Variants in ANKRD35 observed in about 807,000 individuals in gnomAD.
ANKRD35 encodes ankyrin repeat domain 35, also known as ankyrin repeat domain-containing protein 35.
ANKRD35 carries 102 observed loss-of-function variants against 109.9 expected under a neutral mutation model. The observed-to-expected ratio is 0.93, with a 90% CI of 0.79 to 1.09. The LOEUF is 1.09. Among genes scored for constraint, ANKRD35 ranks in the 50% least tolerant of loss-of-function variants. The pLI, the probability that ANKRD35 is intolerant of heterozygous loss-of-function variation, is 0.00. For missense variants in ANKRD35, 1,240 were observed against 1,230.1 expected (o/e 1.01, Z -0.12); for synonymous variants, 515 against 512.4 (o/e 1.01, Z -0.07).
Position 145,873,956 on chromosome 1 carries a change from A to G in ANKRD35, c.813T>C (p.Ser271=), listed in dbSNP as rs781915421. The change falls in exon 10 of 14, where the codon TCT becomes TCC. Residue 271 remains serine (S), a synonymous_variant. Transcript: ENST00000355594. ...CTGCTCTCCATGAGCTCTTAGGAGG[A>G]GAACCTGCCTGGGGCTCAGATGGAG... is the stretch of plus-strand genomic sequence containing the variant. ...QASPSEPQAG[S]PPKSSWRAEP... The G allele has an allele frequency of 1.9e-6, 3 of 1,613,948 alleles. No homozygotes were observed. Among genetic ancestry groups the G allele is most frequent in the Admixed American group, 3.3e-5 (2 of 59,986 alleles).
At chr1:145,871,153 C>CTTTTTCTTTTTT (rs1559171865) in intron 10 of ANKRD35, among the ~76,000 whole-genome samples, 1 of 78,098 alleles carries the variant, frequency 1.3e-5, no homozygotes, top group African/African-American at 4.7e-5. Context: ...TTTCTTTTTT[C>CTTTTTCTTTTTT]TTTTTTTTTT....
At chr1:145,869,427 C>A (rs1040589828) in intron 10 of ANKRD35, among the ~76,000 whole-genome samples, 41 of 152,152 alleles carry the variant, frequency 2.7e-4, no homozygotes, top group African/African-American at 8.4e-4. Context: ...GGTGATCCGC[C>A]CACCTCAGCC....
chr1:145,879,937 A>G (rs1480651015), intron 1 of ANKRD35, among the ~76,000 whole-genome samples: 1 of 152,048 alleles, frequency 6.6e-6, no homozygotes, highest in African/African-American at 2.4e-5. Context: ...ACCTCTTTTC[A>G]TTGGCTTTGG....
At chr1:145,870,248 C>T (rs1290590194) in intron 10 of ANKRD35, among the ~76,000 whole-genome samples, 1 of 151,814 alleles carries the variant, frequency 6.6e-6, no homozygotes, top group Non-Finnish European at 1.5e-5. Context: ...CCCACCACCA[C>T]GCCCGGATAA....
rs1653951861 is a variant in ANKRD35, at chr1:145,873,829, G to C, written c.940C>G (p.Gln314Glu). Residue 314 changes from glutamine (Q) to glutamate (E), a missense_variant, in exon 10 of 14, where the codon CAG (glutamine) becomes GAG (glutamate). Coordinates refer to ENST00000355594, the MANE Select transcript of ANKRD35 (RefSeq NM_144698.5). The stretch of plus-strand genomic sequence containing the variant: ...TCTTCTGTCTTTTGCACCAGCTCCT[G>C]CTCCAGCCGAACAACTTTCCTCCGC... ...EERRKVVRLEQELVQKTEECK... is the reference protein window; with the variant it reads ...EERRKVVRLEEELVQKTEECK... 1.2e-6 allele frequency: 2 copies of C among 1,610,480 alleles called. No individual in the cohort carries two copies. Among genetic ancestry groups the C allele is most frequent in the South Asian group, 2.2e-5 (2 of 90,630 alleles).
intron 12 of ANKRD35, among the ~76,000 whole-genome samples, chr1:145,867,640 A>G (rs6673186): frequency 0.56 from 85,282 of 151,996 alleles, 26,461 homozygotes; most frequent in African/African-American, 0.83. Flanking sequence ...ATAGGTGTTC[A>G]TTCCATTCTT....
chr1:145,879,452 G>T, intron 1 of ANKRD35, 64 bp from the exon 2 acceptor site: 1 of 1,371,906 alleles, frequency 7.3e-7, no homozygotes, highest in East Asian at 2.7e-5. Flanking sequence ...AAGAAAAGAG[G>T]CAAATGGTTA....
Position 145,872,761 on chromosome 1 carries a change from G to T in ANKRD35, c.2008C>A (p.Arg670=), listed in dbSNP as rs1195120036. ...PQAQVQLQQL[R]QSVGLLTNEL... is the part of the protein sequence containing the mutation. ...TTTGTCAGCAGCCCCACACTCTGTCGCAACTGCTGTAGCTGGACCTGCGCC... is the reference window on the plus strand; with the variant it reads ...TTTGTCAGCAGCCCCACACTCTGTCTCAACTGCTGTAGCTGGACCTGCGCC... Residue 670 remains arginine, a synonymous_variant, in exon 10 of 14, where the codon CGA becomes AGA. Transcript: ENST00000355594. 6.2e-7 allele frequency: 1 copy of T among 1,614,098 alleles called. No individual in the cohort carries two copies. Among genetic ancestry groups the T allele is most frequent in the South Asian group, 1.1e-5 (1 of 91,080 alleles).
At chr1:145,878,077 A>C (rs1553740464) in intron 3 of ANKRD35, 45 bp from the exon 4 acceptor site, 1 of 1,549,232 alleles carries the variant, frequency 6.5e-7, no homozygotes, top group Non-Finnish European at 8.9e-7. Flanking sequence ...GGCCCCATGC[A>C]TGCTGATGAC....
Position 145,875,013 on chromosome 1 carries a change from G to C in ANKRD35, c.561-7C>G. On this transcript the variant is annotated splice_region_variant and splice_polypyrimidine_tract_variant and intron_variant, in intron 7 of 13. Transcript: ENST00000355594. ...GGCCAGGATCAAAGCCGATCTGTGG[G>C]TTGAGACAAATCTGAGCACAGACTT... 1.3e-6 allele frequency: 2 copies of C among 1,588,974 alleles called. No individual in the cohort carries two copies. Among genetic ancestry groups the C allele is most frequent in the African/African-American group, 1.3e-5 (1 of 74,270 alleles).
chr1:145,885,604 G>T, intron 1 of ANKRD35, 116 bp downstream of exon 1: 3 of 1,241,396 alleles, frequency 2.4e-6, no homozygotes, highest in South Asian at 2.5e-5. Flanking sequence ...AAGACTAGAA[G>T]AGCTAGAAAG....
intron 1 of ANKRD35, among the ~76,000 whole-genome samples, 198 bp from the exon 2 acceptor site, chr1:145,879,586 T>C (rs1363886385): frequency 1.3e-5 from 2 of 152,116 alleles, no homozygotes; most frequent in African/African-American, 4.8e-5. Context: ...CACCAAGAAC[T>C]ATTGCTGGTT....
intron 3 of ANKRD35, 88 bp downstream of exon 3, chr1:145,878,303 G>T: frequency 7.4e-7 from 1 of 1,342,360 alleles, no homozygotes; most frequent in Non-Finnish European, 1.0e-6. Flanking sequence ...GCCACAGTAG[G>T]AATGTCCAGC....
intron 1 of ANKRD35, among the ~76,000 whole-genome samples, chr1:145,881,246 T>C (rs1654274852): frequency 6.6e-6 from 1 of 152,084 alleles, no homozygotes; most frequent in African/African-American, 2.4e-5. Context: ...GATTGCACCA[T>C]TGCACTCCAG....
chr1:145,881,144 G>A (rs1006225351), intron 1 of ANKRD35, among the ~76,000 whole-genome samples: 7 of 152,126 alleles, frequency 4.6e-5, no homozygotes, highest in Admixed American at 4.6e-4. Flanking sequence ...AAAATTAGCT[G>A]GGGGTGGTGG....
chr1:145,879,457 T>C, intron 1 of ANKRD35, 69 bp from the exon 2 acceptor site: 1 of 1,363,412 alleles, frequency 7.3e-7, no homozygotes, highest in Middle Eastern at 2.0e-4. Flanking sequence ...AAGAGGCAAA[T>C]GGTTAGGATG....
At chr1:145,882,585 C>T (rs190941275) in intron 1 of ANKRD35, among the ~76,000 whole-genome samples, 42 of 152,196 alleles carry the variant, frequency 2.8e-4, no homozygotes, top group African/African-American at 9.2e-4. Context: ...TGAGCCACCA[C>T]GCCTGGCCTG....
chr1:145,885,742 G>A lies in ANKRD35; in HGVS notation c.17C>T (p.Ser6Phe). ...TACCGCCACCTGTGTGCTGGAGCAG[G>A]AGAAGATACGCTTCATGGCCGGGGT... MKRIF[S>F]CSSTQVAVER... Residue 6 changes from serine (S) to phenylalanine (F), a missense_variant, in exon 1 of 14, where the codon TCC becomes TTC. Transcript: ENST00000355594. The A allele has an allele frequency of 1.2e-6, 2 of 1,614,102 alleles. No homozygotes were observed. Among genetic ancestry groups the A allele is most frequent in the Non-Finnish European group, 1.7e-6 (2 of 1,179,974 alleles).
At chr1:145,867,644 C>T (rs1553737938) in intron 12 of ANKRD35, among the ~76,000 whole-genome samples, 1 of 152,120 alleles carries the variant, frequency 6.6e-6, no homozygotes, top group African/African-American at 2.4e-5. Context: ...GTGTTCATTC[C>T]ATTCTTTGTA....
Sources: allele counts gnomAD v4.1 joint callset (sites outside exome capture counted in the v4.1 genomes callset), GRCh38; gene constraint gnomAD v4.1.1; transcripts MANE v1.5; gene names NCBI Gene and HGNC (gene_info 2026-07-23, HGNC 2026-07-21).